Variants in GRIN2A observed in about 807,000 individuals in gnomAD.
The protein encoded by GRIN2A is glutamate ionotropic receptor NMDA type subunit 2A.
Under a neutral mutation model 113.4 loss-of-function variants are expected in GRIN2A, and 22 were observed. That is an observed-to-expected ratio of 0.19 (90% CI 0.14 to 0.28). The LOEUF (loss-of-function observed/expected upper bound fraction) is 0.28, where lower values mean the gene tolerates loss of function less well. Ranked by LOEUF, GRIN2A falls within the 10% of genes least tolerant of loss-of-function variation. The probability of loss-of-function intolerance (pLI) is 1.00; values close to 1 mark genes in which losing one functional copy is unlikely to be tolerated. For synonymous variants in GRIN2A, 827 were observed against 738.4 expected (o/e 1.12, Z -1.94); for missense variants, 1,502 against 1,887.0 (o/e 0.80, Z 3.78).
chr16:9,872,175 C>G (rs1177964733), intron 4 of GRIN2A, among the ~76,000 whole-genome samples: 6 of 152,150 alleles, frequency 3.9e-5, no homozygotes, highest in African/African-American at 1.2e-4. Context: ...CTCCATTTTG[C>G]TGTTGGAAAC....
At chr16:9,813,488 T>G (rs367733646) in intron 10 of GRIN2A, among the ~76,000 whole-genome samples, 3 of 151,344 alleles carry the variant, frequency 2.0e-5, no homozygotes, top group African/African-American at 7.3e-5. Context: ...CGATAACATT[T>G]TGATATATTT....
chr16:9,877,757 C>T (rs983489627), intron 4 of GRIN2A, among the ~76,000 whole-genome samples: 5 of 141,490 alleles, frequency 3.5e-5, no homozygotes, highest in Admixed American at 7.1e-5. Context: ...TCTCTTCTCC[C>T]TCTCTCCTCT....
intron 4 of GRIN2A, among the ~76,000 whole-genome samples, chr16:9,869,165 T>C (rs1199251889): frequency 6.6e-6 from 1 of 152,162 alleles, no homozygotes; most frequent in Non-Finnish European, 1.5e-5. Flanking sequence ...CCAGGAGCGG[T>C]GGCTCACATC....
intron 2 of GRIN2A, among the ~76,000 whole-genome samples, chr16:10,092,710 G>C (rs893441869): frequency 2.6e-5 from 4 of 152,114 alleles, no homozygotes; most frequent in Non-Finnish European, 5.9e-5. Context: ...TAAGTGACTT[G>C]TCCAAGATCA....
intron 2 of GRIN2A, 49 bp from the exon 3 acceptor site, chr16:9,938,600 A>T (rs2044776245): frequency 1.5e-6 from 2 of 1,346,658 alleles, no homozygotes; most frequent in Non-Finnish European, 2.1e-6. Flanking sequence ...GAGGTGGTTT[A>T]TATAGAAGCA....
intron 2 of GRIN2A, among the ~76,000 whole-genome samples, chr16:9,997,196 A>T (rs1234071528): frequency 6.6e-6 from 1 of 152,230 alleles, no homozygotes; most frequent in East Asian, 1.9e-4. Context: ...TAACACTGGA[A>T]CAAACCAGTA....
chr16:10,068,444 T>C (rs1170590973), intron 2 of GRIN2A, among the ~76,000 whole-genome samples: 3 of 152,118 alleles, frequency 2.0e-5, no homozygotes, highest in African/African-American at 4.8e-5. Context: ...GCACATCACA[T>C]GGCCAGAGCA....
intron 2 of GRIN2A, among the ~76,000 whole-genome samples, chr16:10,123,093 T>C (rs560603761): frequency 6.6e-6 from 1 of 152,178 alleles, no homozygotes; most frequent in South Asian, 2.1e-4. Flanking sequence ...AAAATCAAAG[T>C]TTTTTCCCAG....
intron 2 of GRIN2A, among the ~76,000 whole-genome samples, chr16:10,054,185 AT>A (rs1329667209): frequency 6.6e-6 from 1 of 152,242 alleles, no homozygotes; most frequent in East Asian, 1.9e-4. Context: ...AAGAAGCCAA[AT>A]AAAACTATAA....
chr16:10,166,454 G>C (rs1264813672), intron 2 of GRIN2A, among the ~76,000 whole-genome samples: 1 of 152,108 alleles, frequency 6.6e-6, no homozygotes, highest in African/African-American at 2.4e-5. Context: ...TCAGCTGTGG[G>C]GGATGACAAC....
At chr16:9,998,420 GA>G (rs1218494127) in intron 2 of GRIN2A, among the ~76,000 whole-genome samples, 1 of 152,148 alleles carries the variant, frequency 6.6e-6, no homozygotes, top group Non-Finnish European at 1.5e-5. Flanking sequence ...ATACTTAATA[GA>G]TACAGAATTT....
intron 3 of GRIN2A, among the ~76,000 whole-genome samples, chr16:9,903,040 C>T (rs1160023371): frequency 6.7e-6 from 1 of 149,366 alleles, no homozygotes; most frequent in South Asian, 2.1e-4. Context: ...ACGATCTCGG[C>T]TCATTGCAAC....
At chr16:9,944,543 C>T (rs980213889) in intron 2 of GRIN2A, among the ~76,000 whole-genome samples, 4 of 152,172 alleles carry the variant, frequency 2.6e-5, no homozygotes, top group African/African-American at 9.6e-5. Context: ...CAATATGTAG[C>T]TCTATATAGC....
In GRIN2A at chr16:10,012,153, G is replaced by A. The variant is rs1327960613; in HGVS notation, c.415-73602C>T. Among the ~76,000 whole-genome samples the A allele has an allele frequency of 2.0e-5, 3 of 152,192 alleles. No individual in the cohort carries two copies. In the East Asian group the frequency reaches 5.8e-4, roughly 29 times the overall value. On this transcript the variant is annotated intron_variant, in intron 2 of 12. Transcript: ENST00000330684. ...TTTACAATCTGAAATGTTTTCTTGA[G>A]TGGGAGCGAAATGGAAAAAGTTTTT... is the stretch of plus-strand genomic sequence containing the variant.
intron 2 of GRIN2A, among the ~76,000 whole-genome samples, chr16:9,986,668 G>C (rs2045984159): frequency 6.6e-6 from 1 of 150,928 alleles, no homozygotes; most frequent in Non-Finnish European, 1.5e-5. Flanking sequence ...GGGAGGCTGA[G>C]GCAAGAGAAT....
intron 10 of GRIN2A, among the ~76,000 whole-genome samples, chr16:9,821,116 G>A (rs547957564): frequency 2.0e-5 from 3 of 152,022 alleles, no homozygotes; most frequent in Non-Finnish European, 4.4e-5. Context: ...CTTCACAATG[G>A]GCTTGCCGAA....
chr16:9,802,715 C>T (rs1488174522), intron 10 of GRIN2A, among the ~76,000 whole-genome samples: 2 of 152,200 alleles, frequency 1.3e-5, no homozygotes, highest in Admixed American at 1.3e-4. Context: ...TCTAGGACAA[C>T]ACTGTCCAAT....
chr16:9,764,967 A>T lies in GRIN2A; in HGVS notation c.2596-19T>A. On this transcript the variant is annotated intron_variant, in intron 12 of 12. Transcript: ENST00000330684. ...AGATGCCCTGTAGGGGAGCAACATAAAGCACTGTCAGCAGCAGCAGCAGTG... is the reference window on the plus strand; with the variant it reads ...AGATGCCCTGTAGGGGAGCAACATATAGCACTGTCAGCAGCAGCAGCAGTG... 1 of 1,613,766 alleles carries T rather than the reference A, an allele frequency of 6.2e-7. No individual in the cohort carries two copies. The highest frequency in any genetic ancestry group is 8.5e-7 in the Non-Finnish European group (1 of 1,179,976).
At chr16:10,149,310 C>T (rs760663145) in intron 2 of GRIN2A, among the ~76,000 whole-genome samples, 6 of 152,150 alleles carry the variant, frequency 3.9e-5, no homozygotes, top group Non-Finnish European at 8.8e-5. Flanking sequence ...CATTTGCATG[C>T]CTCTGTCAAA....
Sources: allele counts gnomAD v4.1 joint callset (sites outside exome capture counted in the v4.1 genomes callset), GRCh38; gene constraint gnomAD v4.1.1; transcripts MANE v1.5; gene names NCBI Gene and HGNC (gene_info 2026-07-23, HGNC 2026-07-21).